Variants in DST observed in about 807,000 individuals in gnomAD.
DST encodes bullous pemphigoid antigen.
DST carries 253 observed loss-of-function variants against 875.2 expected under a neutral mutation model. The ratio of observed to expected loss-of-function variants is 0.29; its 90% confidence interval spans 0.26 to 0.32. DST has a LOEUF of 0.32. DST is among the 10% of genes least tolerant of loss of function. The pLI is 1.00. For missense variants in DST, 8,287 were observed against 9,111.6 expected (o/e 0.91, Z 3.68); for synonymous variants, 3,124 against 3,197.1 (o/e 0.98, Z 0.77).
chr6:56,634,056 T>C (rs2098806266), intron 27 of DST, 76 bp downstream of exon 27: 2 of 1,555,548 alleles, frequency 1.3e-6, no homozygotes, highest in South Asian at 2.2e-5. Context: ...CTAAAGCAAA[T>C]ACAAACTCTA....
intron 2 of DST, among the ~76,000 whole-genome samples, chr6:56,903,470 A>T (rs1018512813): frequency 2.7e-4 from 41 of 152,178 alleles, no homozygotes; most frequent in Admixed American, 2.6e-3. Flanking sequence ...ATATAAAAAA[A>T]TTTTTTTGAG....
chr6:56,945,269 T>C (rs183646891), intron 2 of DST, among the ~76,000 whole-genome samples: 1 of 152,278 alleles, frequency 6.6e-6, no homozygotes, highest in Non-Finnish European at 1.5e-5. Context: ...GAGAGACTTG[T>C]CCAGAGGCTT....
At chr6:56,538,737 A>G (rs932425885) in intron 61 of DST, among the ~76,000 whole-genome samples, 3 of 152,238 alleles carry the variant, frequency 2.0e-5, no homozygotes, top group Non-Finnish European at 4.4e-5. Flanking sequence ...GACAATTTCC[A>G]TACTGGCAGT....
At chr6:56,672,411 G>A (rs1185492577) in intron 9 of DST, among the ~76,000 whole-genome samples, 2 of 152,144 alleles carry the variant, frequency 1.3e-5, no homozygotes, top group Non-Finnish European at 2.9e-5. Context: ...TCTTTGCCAG[G>A]AATCTGTGCC....
At chr6:56,769,873 C>T (rs1348021948) in intron 4 of DST, among the ~76,000 whole-genome samples, 6 of 152,186 alleles carry the variant, frequency 3.9e-5, no homozygotes, top group African/African-American at 1.2e-4. Flanking sequence ...AAAGCTTATT[C>T]TCTTATTACT....
At chr6:56,725,132 G>A (rs776704973) in intron 5 of DST, among the ~76,000 whole-genome samples, 1 of 152,170 alleles carries the variant, frequency 6.6e-6, no homozygotes, top group Non-Finnish European at 1.5e-5. Context: ...AAATAGTTGA[G>A]GAGAGACGTG....
At chr6:56,808,965 C>T (rs1026770126) in intron 4 of DST, among the ~76,000 whole-genome samples, 15 of 152,174 alleles carry the variant, frequency 9.9e-5, no homozygotes, top group African/African-American at 3.4e-4. Context: ...GTGAATCCCA[C>T]AGTGCGGTGC....
chr6:56,810,107 G>A (rs955275580), intron 4 of DST, among the ~76,000 whole-genome samples: 3 of 152,136 alleles, frequency 2.0e-5, no homozygotes, highest in Non-Finnish European at 4.4e-5. Context: ...CAGAAGGACT[G>A]CTTGAAGCCA....
At chr6:56,900,350 T>TA in intron 3 of DST, 71 bp downstream of exon 3, 2 of 1,229,532 alleles carry the variant, frequency 1.6e-6, no homozygotes, top group South Asian at 1.3e-5. Flanking sequence ...ATAATGTTTT[T>TA]AAACTAAAAG....
At chr6:56,531,717 T>C (rs978861790) in intron 64 of DST, among the ~76,000 whole-genome samples, 1 of 152,144 alleles carries the variant, frequency 6.6e-6, no homozygotes. Context: ...AATGGCGGCA[T>C]CAATGCAGAT....
At chr6:56,596,024 C>CTATTTAT (rs2098379264) in intron 47 of DST, among the ~76,000 whole-genome samples, 1 of 146,592 alleles carries the variant, frequency 6.8e-6, no homozygotes, top group Non-Finnish European at 1.5e-5. Context: ...TATTTATTTA[C>CTATTTAT]TTATTTATTT....
At chr6:56,521,327 T>C (rs1337006404) in intron 69 of DST, among the ~76,000 whole-genome samples, 1 of 151,868 alleles carries the variant, frequency 6.6e-6, no homozygotes, top group East Asian at 1.9e-4. Context: ...AGTTATAAAT[T>C]TTTTTCTTCC....
intron 9 of DST, among the ~76,000 whole-genome samples, chr6:56,672,155 G>C (rs1030133040): frequency 2.0e-5 from 3 of 152,206 alleles, no homozygotes; most frequent in Admixed American, 6.5e-5. Flanking sequence ...AGCTGCCACA[G>C]AGCCAGAGGC....
chr6:56,692,640 G>C (rs891774912), intron 9 of DST: 7 of 1,289,778 alleles, frequency 5.4e-6, no homozygotes, highest in Non-Finnish European at 7.1e-6. Flanking sequence ...TTTTTTCCTG[G>C]AATGTTATTT....
At chr6:56,809,817 T>G (rs1480971790) in intron 4 of DST, among the ~76,000 whole-genome samples, 1 of 152,228 alleles carries the variant, frequency 6.6e-6, no homozygotes, top group Non-Finnish European at 1.5e-5. Flanking sequence ...AACTTTTAAA[T>G]AAACTTCTTT....
intron 4 of DST, among the ~76,000 whole-genome samples, chr6:56,830,557 C>T (rs1000518398): frequency 6.6e-6 from 1 of 152,164 alleles, no homozygotes. Flanking sequence ...ACAGAAATTA[C>T]ATCTTTAGTC....
At chr6:56,638,927 G>A in intron 22 of DST, 1 of 355,788 alleles carries the variant, frequency 2.8e-6, no homozygotes, top group Non-Finnish European at 5.2e-6. Flanking sequence ...GTAGGAAAAT[G>A]AGGCTTGGCA....
chr6:56,579,403 A>C (rs2097923685), intron 49 of DST, among the ~76,000 whole-genome samples: 2 of 152,216 alleles, frequency 1.3e-5, no homozygotes, highest in African/African-American at 2.4e-5. Flanking sequence ...ATTCAATAAA[A>C]GTTACTGAAC....
intron 45 of DST, 45 bp from the exon 46 acceptor site, chr6:56,598,754 T>G (rs958195981): frequency 2.5e-6 from 3 of 1,178,992 alleles, no homozygotes; most frequent in African/African-American, 1.6e-5. Context: ...AATTATTACC[T>G]ATTTAGTTCT....
Sources: allele counts gnomAD v4.1 joint callset (sites outside exome capture counted in the v4.1 genomes callset), GRCh38; gene constraint gnomAD v4.1.1; transcripts MANE v1.5; gene names NCBI Gene and HGNC (gene_info 2026-07-23, HGNC 2026-07-21).